The following EIPR1 variants were observed in gnomAD, a reference collection of about 807,000 sequenced individuals.
The protein encoded by EIPR1 is EARP complex and GARP complex interacting protein 1.
In EIPR1, 25 loss-of-function variants were observed where a neutral mutation model predicts 48.1. That is an observed-to-expected ratio of 0.52 (90% CI 0.38 to 0.73). The LOEUF is 0.73. Ranked by LOEUF, EIPR1 falls within the 30% of genes least tolerant of loss-of-function variation. The probability of loss-of-function intolerance (pLI) is 0.00; values close to 1 mark genes in which losing one functional copy is unlikely to be tolerated. For synonymous variants in EIPR1, 204 were observed against 201.9 expected (o/e 1.01, Z -0.09); for missense variants, 415 against 506.2 (o/e 0.82, Z 1.73).
intron 3 of EIPR1, among the ~76,000 whole-genome samples, chr2:3,337,074 GAAGGGAAGAGAA>G (rs1007165293): frequency 4.2e-5 from 6 of 142,590 alleles, no homozygotes; most frequent in Admixed American, 2.1e-4. Flanking sequence ...AGGGAAGGGG[GAAGGGAAGAGAA>G]AAGGGAAGGG....
intron 4 of EIPR1, among the ~76,000 whole-genome samples, chr2:3,232,682 C>G (rs1429137403): frequency 6.6e-6 from 1 of 152,174 alleles, no homozygotes; most frequent in African/African-American, 2.4e-5. Flanking sequence ...ATCACACTCA[C>G]TCTCCTCTCA....
intron 4 of EIPR1, among the ~76,000 whole-genome samples, chr2:3,230,582 C>T (rs981840350): frequency 2.6e-5 from 4 of 152,194 alleles, no homozygotes; most frequent in African/African-American, 7.2e-5. Flanking sequence ...ATCACAGAGA[C>T]ACAACTATAC....
At chr2:3,284,746 T>C (rs919617764) in intron 3 of EIPR1, among the ~76,000 whole-genome samples, 4 of 152,036 alleles carry the variant, frequency 2.6e-5, no homozygotes, top group Non-Finnish European at 5.9e-5. Context: ...TCCAAATCCA[T>C]TTCCCCGTGT....
At chr2:3,234,863 G>T (rs545548292) in intron 4 of EIPR1, among the ~76,000 whole-genome samples, 26 of 152,196 alleles carry the variant, frequency 1.7e-4, no homozygotes, top group Non-Finnish European at 3.2e-4. Context: ...AGGTCACAAG[G>T]CCATGGCCTC....
chr2:3,345,893 T>C (rs769479448), intron 2 of EIPR1, among the ~76,000 whole-genome samples: 2 of 152,158 alleles, frequency 1.3e-5, no homozygotes, highest in Non-Finnish European at 2.9e-5. Context: ...AATCTTTCTC[T>C]TGGTTTATAC....
chr2:3,213,327 G>A (rs1665521795), intron 5 of EIPR1, among the ~76,000 whole-genome samples: 1 of 152,092 alleles, frequency 6.6e-6, no homozygotes, highest in South Asian at 2.1e-4. Context: ...ACATTTTAAA[G>A]GAGAAAATTT....
intron 3 of EIPR1, among the ~76,000 whole-genome samples, chr2:3,278,131 G>C (rs1572388817): frequency 1.4e-5 from 2 of 144,798 alleles, no homozygotes; most frequent in South Asian, 4.8e-4. Flanking sequence ...GGCTCACTCA[G>C]TCTGTCTGTG....
intron 2 of EIPR1, among the ~76,000 whole-genome samples, chr2:3,339,774 C>T (rs1292686728): frequency 1.3e-5 from 2 of 152,320 alleles, no homozygotes; most frequent in Admixed American, 6.5e-5. Context: ...CACAGTGAAA[C>T]CCCGTCTCTA....
At chr2:3,295,146 C>T (rs1486246783) in intron 3 of EIPR1, among the ~76,000 whole-genome samples, 4 of 141,106 alleles carry the variant, frequency 2.8e-5, no homozygotes, top group South Asian at 2.4e-4. Context: ...AACCTCCATC[C>T]GGCATGTCCT....
intron 5 of EIPR1, chr2:3,208,270 G>A (rs144734064): frequency 4.2e-6 from 2 of 474,590 alleles, no homozygotes; most frequent in East Asian, 3.5e-5. Flanking sequence ...TCAAATAAGA[G>A]CAAGTTATCT....
chr2:3,228,590 T>C (rs1454719833), intron 4 of EIPR1, among the ~76,000 whole-genome samples: 1 of 152,168 alleles, frequency 6.6e-6, no homozygotes, highest in African/African-American at 2.4e-5. Flanking sequence ...GGACGTAAGA[T>C]CTGGGAGGCG....
At chr2:3,216,987 A>AG (rs1329478880) in intron 4 of EIPR1, among the ~76,000 whole-genome samples, 8 of 152,324 alleles carry the variant, frequency 5.3e-5, no homozygotes, top group African/African-American at 1.9e-4. Flanking sequence ...AGCATCTTCA[A>AG]GCCCTTCCTC....
At chr2:3,247,244 T>C (rs1029248042) in intron 4 of EIPR1, among the ~76,000 whole-genome samples, 2 of 152,164 alleles carry the variant, frequency 1.3e-5, no homozygotes, top group African/African-American at 4.8e-5. Context: ...GATATACCAC[T>C]TGGGAAACGG....
intron 3 of EIPR1, among the ~76,000 whole-genome samples, chr2:3,297,455 A>T (rs1194187890): frequency 1.3e-5 from 2 of 152,202 alleles, no homozygotes; most frequent in Non-Finnish European, 2.9e-5. Flanking sequence ...AGATGAGCAG[A>T]TTTTCAAAGT....
chr2:3,200,364 A>G (rs1363926147), intron 5 of EIPR1, among the ~76,000 whole-genome samples: 9 of 152,182 alleles, frequency 5.9e-5, no homozygotes, highest in Non-Finnish European at 1.3e-4. Context: ...CTCCTTAGGA[A>G]AAGCGCGGGG....
At chr2:3,334,502 C>T (rs1358054986) in intron 3 of EIPR1, among the ~76,000 whole-genome samples, 4 of 152,246 alleles carry the variant, frequency 2.6e-5, no homozygotes, top group South Asian at 2.1e-4. Context: ...CAGGCTTTTC[C>T]GGAGGCACCT....
At chr2:3,368,618 T>C (rs1442834116) in intron 1 of EIPR1, among the ~76,000 whole-genome samples, 1 of 152,248 alleles carries the variant, frequency 6.6e-6, no homozygotes, top group Non-Finnish European at 1.5e-5. Flanking sequence ...GAAGATCTAT[T>C]AATGTCAAAA....
intron 3 of EIPR1, among the ~76,000 whole-genome samples, chr2:3,275,011 AAAGT>A (rs1667806063): frequency 6.6e-6 from 1 of 152,272 alleles, no homozygotes; most frequent in Middle Eastern, 3.4e-3. Flanking sequence ...AAAACAGCAT[AAAGT>A]AAGATGAAAG....
chr2:3,251,993 G>C (rs2103209487), intron 4 of EIPR1, among the ~76,000 whole-genome samples: 1 of 152,250 alleles, frequency 6.6e-6, no homozygotes, highest in African/African-American at 2.4e-5. Flanking sequence ...TTAATCTCTT[G>C]GGGCCATGGG....
Sources: allele counts gnomAD v4.1 joint callset (sites outside exome capture counted in the v4.1 genomes callset), GRCh38; gene constraint gnomAD v4.1.1; transcripts MANE v1.5; gene names NCBI Gene and HGNC (gene_info 2026-07-23, HGNC 2026-07-21).